SPAG17: variants seen among roughly 807,000 people sequenced by gnomAD.
SPAG17 encodes the protein sperm-associated antigen 17.
Under a neutral mutation model 273.6 loss-of-function variants are expected in SPAG17, and 169 were observed. The observed-to-expected ratio is 0.62, with a 90% confidence interval of 0.55 to 0.70. The LOEUF (loss-of-function observed/expected upper bound fraction) is 0.70, where lower values mean the gene tolerates loss of function less well. Among genes scored for constraint, SPAG17 ranks in the 30% least tolerant of loss-of-function variants. SPAG17 has a pLI of 0.00. For missense variants in SPAG17, 2,557 were observed against 2,627.8 expected (o/e 0.97, Z 0.59); for synonymous variants, 825 against 873.2 (o/e 0.94, Z 0.97).
Position 118,185,163 on chromosome 1 carries a change from G to C in SPAG17, c.-6C>G. 1 of 1,612,226 alleles carries C rather than the reference G, an allele frequency of 6.2e-7. No individual in the cohort carries two copies. The highest frequency in any genetic ancestry group is 8.5e-7 in the Non-Finnish European group (1 of 1,178,244). On this transcript the variant is annotated 5_prime_UTR_variant, in exon 1 of 49. Transcript: ENST00000336338. ...TTCTCCTTCTTGGGTGCCATGCAAA[G>C]GACGGGAGAAGCATTGGCCTCTAAA...
chr1:118,000,916 G>A (rs1320333883), intron 32 of SPAG17, among the ~76,000 whole-genome samples: 4 of 152,186 alleles, frequency 2.6e-5, no homozygotes, highest in Admixed American at 1.3e-4. Context: ...CAAAGGGAAT[G>A]CTTCCAGTTT....
In SPAG17 at chr1:118,005,507, T is replaced by C. The variant is rs763423107; in HGVS notation, c.4683A>G (p.Gln1561=). ...TGCCAGCTCGCAGCTGCTCACGCTTTTGAAAAGGATAGTATATATTACTGC... is the reference window on the plus strand; with the variant it reads ...TGCCAGCTCGCAGCTGCTCACGCTTCTGAAAAGGATAGTATATATTACTGC... ...ESSSNIYYPF[Q]KREQLRAGRY... The change falls in exon 32 of 49, where the codon CAA becomes CAG. Residue 1561 remains glutamine (Q), a synonymous_variant. Transcript: ENST00000336338. 2 of 1,613,670 alleles carry C rather than the reference T, an allele frequency of 1.2e-6. No individual in the cohort carries two copies. Among genetic ancestry groups the C allele is most frequent in the Non-Finnish European group, 1.7e-6 (2 of 1,179,764 alleles).
Position 118,115,375 on chromosome 1 carries a change from G to C in SPAG17, c.382C>G (p.Leu128Val). Residue 128 changes from leucine (L) to valine (V), a missense_variant, in exon 4 of 49, where the codon CTC (leucine) becomes GTC (valine). Physicochemically the swap from Leu to Val is conservative, Grantham distance 32. Coordinates refer to ENST00000336338, the MANE Select transcript of SPAG17 (RefSeq NM_206996.4). ...ATCTGGAGAAGTTGAAATTTCAAGAGTTTCCCTATCAGTGGTAAGGTTAAT... is the reference window on the plus strand; with the variant it reads ...ATCTGGAGAAGTTGAAATTTCAAGACTTTCCCTATCAGTGGTAAGGTTAAT... ...EKLTLPLIGK[L>V]LKFQLLQIKF... is the part of the protein sequence containing the mutation. 6.2e-7 allele frequency: 1 copy of C among 1,613,570 alleles called. No individual in the cohort carries two copies. Among genetic ancestry groups the C allele is most frequent in the East Asian group, 2.2e-5 (1 of 44,852 alleles).
At chr1:118,018,566 C>T (rs1323615207) in intron 28 of SPAG17, among the ~76,000 whole-genome samples, 4 of 151,880 alleles carry the variant, frequency 2.6e-5, no homozygotes, top group Non-Finnish European at 5.9e-5. Flanking sequence ...GGCACAGTGG[C>T]TCACACCTAT....
intron 1 of SPAG17, among the ~76,000 whole-genome samples, chr1:118,170,382 T>C (rs1660365471): frequency 6.6e-6 from 1 of 151,830 alleles, no homozygotes. Flanking sequence ...AGAACCAAGG[T>C]GAAGGAAGAG....
intron 3 of SPAG17, among the ~76,000 whole-genome samples, chr1:118,116,977 A>T (rs1451700802): frequency 6.6e-6 from 1 of 152,174 alleles, no homozygotes; most frequent in African/African-American, 2.4e-5. Flanking sequence ...TGATGACCAG[A>T]TCCCACGTGG....
chr1:118,004,831 A>G (rs1004598543), intron 32 of SPAG17, among the ~76,000 whole-genome samples: 1 of 152,256 alleles, frequency 6.6e-6, no homozygotes, highest in Non-Finnish European at 1.5e-5. Context: ...CCACTGTCCA[A>G]CTGGTCCCAG....
chr1:117,996,339 C>A, intron 34 of SPAG17, 31 bp downstream of exon 34: 1 of 1,578,376 alleles, frequency 6.3e-7, no homozygotes. Context: ...CAAAGAGACA[C>A]CGTGCATTCC....
rs757187513 is a variant in SPAG17 at position 118,115,420 on chromosome 1, T to C, written c.337A>G (p.Ile113Val). The stretch of plus-strand genomic sequence containing the variant: ...GTTAATTTCTCTCCACTATCCATAA[T>C]TGCTTTTGCTGCCGTTAACACCTAT... Reference protein sequence around the residue: ...YYEVLTAAKAIMDSGEKLTLP... With the variant: ...YYEVLTAAKAVMDSGEKLTLP... The change falls in exon 4 of 49, where the codon ATT becomes GTT. Residue 113 changes from isoleucine (I) to valine (V), a missense_variant. By Grantham distance (29) the Ile-to-Val change is conservative. Transcript: ENST00000336338. The C allele has an allele frequency of 8.1e-6, 13 of 1,613,252 alleles. No individual in the cohort carries two copies. The highest frequency in any genetic ancestry group is 8.5e-7 in the Non-Finnish European group (1 of 1,179,598).
intron 20 of SPAG17, among the ~76,000 whole-genome samples, chr1:118,044,655 G>T (rs993156646): frequency 2.0e-5 from 3 of 152,174 alleles, no homozygotes; most frequent in Non-Finnish European, 4.4e-5. Flanking sequence ...AATCTCCAAT[G>T]TTGGAGGAGG....
At chr1:118,129,076 C>T (rs1657905939) in intron 3 of SPAG17, among the ~76,000 whole-genome samples, 1 of 152,200 alleles carries the variant, frequency 6.6e-6, no homozygotes, top group African/African-American at 2.4e-5. Flanking sequence ...GCCACTTTAC[C>T]TTCTTCGGGA....
intron 9 of SPAG17, 38 bp downstream of exon 9, chr1:118,091,892 C>T (rs1558006847): frequency 3.1e-6 from 5 of 1,600,254 alleles, no homozygotes; most frequent in Non-Finnish European, 3.4e-6. Flanking sequence ...AGTGCCAGCT[C>T]ATGGTGTTGA....
intron 45 of SPAG17, among the ~76,000 whole-genome samples, chr1:117,971,530 A>T (rs543067207): frequency 6.6e-6 from 1 of 151,928 alleles, no homozygotes; most frequent in South Asian, 2.1e-4. Flanking sequence ...ACTTTCAATT[A>T]TTGTGCATTA....
At chr1:118,181,085 T>C (rs1198087809) in intron 1 of SPAG17, among the ~76,000 whole-genome samples, 1 of 152,012 alleles carries the variant, frequency 6.6e-6, no homozygotes, top group Non-Finnish European at 1.5e-5. Context: ...ATTATAATTT[T>C]ATGATATATG....
chr1:118,029,247 G>GTAAAA (rs2101872120), intron 25 of SPAG17, among the ~76,000 whole-genome samples: 1 of 152,118 alleles, frequency 6.6e-6, no homozygotes, highest in South Asian at 2.1e-4. Flanking sequence ...ATAAAATAAA[G>GTAAAA]TAAAATAAAA....
chr1:118,179,791 T>C (rs985432610), intron 1 of SPAG17, among the ~76,000 whole-genome samples: 3 of 151,962 alleles, frequency 2.0e-5, no homozygotes, highest in Non-Finnish European at 2.9e-5. Flanking sequence ...AGGATTCAAA[T>C]AGACATTTCT....
chr1:117,991,104 T>A (rs1657023067), intron 37 of SPAG17, among the ~76,000 whole-genome samples, 198 bp from the exon 38 acceptor site: 2 of 152,224 alleles, frequency 1.3e-5, no homozygotes, highest in African/African-American at 4.8e-5. Context: ...TTTTAACTTG[T>A]AAAAATTCCT....
At chr1:118,070,614 C>T (rs951064825) in intron 17 of SPAG17, among the ~76,000 whole-genome samples, 6 of 152,068 alleles carry the variant, frequency 3.9e-5, no homozygotes, top group Admixed American at 6.6e-5. Context: ...AAGTGAGCCA[C>T]AAATGTGAGC....
chr1:118,098,468 C>T (rs1319230576), intron 6 of SPAG17, among the ~76,000 whole-genome samples: 1 of 151,658 alleles, frequency 6.6e-6, no homozygotes, highest in Non-Finnish European at 1.5e-5. Flanking sequence ...CTACTAAGAT[C>T]TCATTATTCT....
Sources: gnomAD v4.1 joint callset for allele counts (sites outside exome capture counted in the v4.1 genomes callset) on GRCh38, gnomAD v4.1.1 for gene constraint, MANE v1.5 for transcripts, NCBI Gene and HGNC (gene_info 2026-07-23, HGNC 2026-07-21) for gene names.